The following PRDM1 variants were observed in gnomAD, a reference collection of about 807,000 sequenced individuals.
The protein encoded by PRDM1 is PR domain zinc finger protein 1.
PRDM1 carries 13 observed loss-of-function variants against 62.8 expected under a neutral mutation model. That is an observed-to-expected ratio of 0.21 (90% CI 0.13 to 0.33). The LOEUF is 0.33. Ranked by LOEUF, PRDM1 falls within the 10% of genes least tolerant of loss-of-function variation. PRDM1 has a pLI of 1.00. For synonymous variants in PRDM1, 396 were observed against 417.6 expected, an observed-to-expected ratio of 0.95 and a Z score of 0.63; for missense variants, 895 against 1,058.8, an observed-to-expected ratio of 0.85 and a Z score of 2.15.
At chr6:106,014,430 T>C in intron 1 of PRDM1, among the ~76,000 whole-genome samples, 1 of 84,362 alleles carries the variant, frequency 1.2e-5, no homozygotes. Flanking sequence ...TTCTAGCACA[T>C]AAGAAATGTT....
intron 1 of PRDM1, among the ~76,000 whole-genome samples, chr6:106,073,343 G>A (rs1276863279): frequency 6.6e-6 from 1 of 152,024 alleles, no homozygotes; most frequent in Non-Finnish European, 1.5e-5. Flanking sequence ...TCCAACTCCT[G>A]ACCTCAGGTG....
chr6:106,021,016 A>T (rs1019353386), intron 1 of PRDM1, among the ~76,000 whole-genome samples: 1 of 152,212 alleles, frequency 6.6e-6, no homozygotes, highest in African/African-American at 2.4e-5. Context: ...GGCTCTTATT[A>T]TAAAAGACTA....
intron 1 of PRDM1, among the ~76,000 whole-genome samples, chr6:106,065,167 T>C (rs1263016500): frequency 6.6e-6 from 1 of 152,194 alleles, no homozygotes; most frequent in Non-Finnish European, 1.5e-5. Context: ...GTCAAGTTTT[T>C]TGTTTTTTTA....
rs1170820221 is a variant in PRDM1 at position 106,007,958 on chromosome 6, G to A, written c.-67+14319G>A. On this transcript the variant is annotated intron_variant, in intron 1 of 6. Transcript: ENST00000652320. ...TGCATTCGCTCAATGTTTGTTCCAC[G>A]AAAAATGTACCGTTTTGATGAAATC... Among the ~76,000 whole-genome samples the A allele has an allele frequency of 2.6e-5, 4 of 152,164 alleles. 1 individual carries two copies. The highest frequency in any genetic ancestry group is 5.9e-5 in the Non-Finnish European group (4 of 68,036).
At chr6:106,048,582 C>T (rs1242183028) in exon 1 of PRDM1, among the ~76,000 whole-genome samples, 1 of 152,122 alleles carries the variant, frequency 6.6e-6, no homozygotes, top group Non-Finnish European at 1.5e-5. Flanking sequence ...TATGACTCTC[C>T]TGGTTGCACT....
intron 1 of PRDM1, among the ~76,000 whole-genome samples, chr6:106,033,237 C>T (rs576245682): frequency 2.8e-4 from 42 of 151,922 alleles, no homozygotes; most frequent in South Asian, 2.1e-4. Context: ...ACTCCTGGGC[C>T]CAAGTGATAC....
At chr6:106,034,640 T>G (rs1454656284) in intron 1 of PRDM1, among the ~76,000 whole-genome samples, 1 of 142,292 alleles carries the variant, frequency 7.0e-6, no homozygotes, top group Non-Finnish European at 1.5e-5. Flanking sequence ...TCTCTCTTTT[T>G]TTTTTTTTTT....
At chr6:106,032,965 T>G (rs371952487) in intron 1 of PRDM1, among the ~76,000 whole-genome samples, 10 of 152,312 alleles carry the variant, frequency 6.6e-5, no homozygotes, top group African/African-American at 2.2e-4. Context: ...ACTTAACAAA[T>G]ATTTTCTCAT....
intron 1 of PRDM1, among the ~76,000 whole-genome samples, chr6:106,062,827 G>C (rs950981762): frequency 2.6e-5 from 4 of 152,166 alleles, no homozygotes; most frequent in Non-Finnish European, 5.9e-5. Flanking sequence ...AGGAGGGTTT[G>C]TTGGGAAGGA....
At chr6:106,079,120 G>A (rs1773650939) in intron 1 of PRDM1, among the ~76,000 whole-genome samples, 1 of 151,736 alleles carries the variant, frequency 6.6e-6, no homozygotes, top group East Asian at 1.9e-4. Flanking sequence ...GCCACCACGT[G>A]GGCCTGGCTA....
chr6:106,007,074 C>G (rs1772492516), intron 1 of PRDM1, among the ~76,000 whole-genome samples: 1 of 151,880 alleles, frequency 6.6e-6, no homozygotes, highest in African/African-American at 2.4e-5. Flanking sequence ...TGATTTCTCT[C>G]TCATTTTTCT....
chr6:106,033,462 T>A (rs1169096299), intron 1 of PRDM1, among the ~76,000 whole-genome samples: 2 of 151,968 alleles, frequency 1.3e-5, no homozygotes, highest in Non-Finnish European at 2.9e-5. Flanking sequence ...AGATTATGTA[T>A]AATATTTCTT....
chr6:106,088,427 A>G lies in PRDM1; in HGVS notation c.269A>G (p.Lys90Arg). The part of the protein sequence containing the change: ...EASLPRNLLF[K>R]YATNSEEVIG... ...TCCTTACCAAGGAATCTGCTTTTCA[A>G]GTATGCCACCAACAGTGAAGAGGTA... Residue 90 changes from lysine (K) to arginine (R), a missense_variant, in exon 2 of 7, where the codon AAG (lysine) becomes AGG (arginine). Around this residue, in one of 4 missense-constraint regions of PRDM1, gnomAD observed 213 missense variants for 283.9 expected, o/e 0.75. Transcript: ENST00000369096. 6.2e-7 allele frequency: 1 copy of G among 1,614,226 alleles called. No individual in the cohort carries two copies. The highest frequency in any genetic ancestry group is 8.5e-7 in the Non-Finnish European group (1 of 1,180,052).
chr6:106,047,120 A>G (rs1052987050), upstream of PRDM1, among the ~76,000 whole-genome samples: 1 of 152,222 alleles, frequency 6.6e-6, no homozygotes, highest in Non-Finnish European at 1.5e-5. Flanking sequence ...TCTTCATGAT[A>G]CTGTAGTCAT....
chr6:106,046,436 G>C (rs1773077851), upstream of PRDM1: 2 of 152,340 alleles, frequency 1.3e-5, no homozygotes, highest in South Asian at 4.1e-4. Context: ...GAACCATTCA[G>C]GTAGGAGAAG....
intron 1 of PRDM1, among the ~76,000 whole-genome samples, chr6:106,073,759 T>G (rs1773557520): frequency 6.6e-6 from 1 of 152,246 alleles, no homozygotes; most frequent in Non-Finnish European, 1.5e-5. Flanking sequence ...GAGGGAGGCC[T>G]GGCTATAGTA....
chr6:106,001,903 T>TCCAG (rs1185886069), intron 1 of PRDM1, among the ~76,000 whole-genome samples: 2 of 152,216 alleles, frequency 1.3e-5, no homozygotes, highest in East Asian at 3.8e-4. Context: ...CCACAATAAC[T>TCCAG]TTTTGTAGAT....
chr6:106,079,379 A>T (rs1384230921), intron 1 of PRDM1, among the ~76,000 whole-genome samples: 2 of 152,386 alleles, frequency 1.3e-5, no homozygotes, highest in Non-Finnish European at 1.5e-5. Context: ...TACCAACTTA[A>T]GACCTGGGTT....
At chr6:106,031,800 G>A (rs556644214) in intron 1 of PRDM1, among the ~76,000 whole-genome samples, 12 of 152,310 alleles carry the variant, frequency 7.9e-5, no homozygotes, top group Admixed American at 6.5e-4. Context: ...CCTGAAAGGG[G>A]CCTTAAAGAG....
Sources: allele counts gnomAD v4.1 joint callset (sites outside exome capture counted in the v4.1 genomes callset), GRCh38; gene constraint gnomAD v4.1.1; regional missense constraint gnomAD v4.1.1; transcripts MANE v1.5; gene names NCBI Gene and HGNC (gene_info 2026-07-23, HGNC 2026-07-21).